DHX57: variants seen among roughly 807,000 people sequenced by gnomAD.
DHX57 encodes putative ATP-dependent RNA helicase DHX57.
Under a neutral mutation model 156.2 loss-of-function variants are expected in DHX57, and 105 were observed. That is an observed-to-expected ratio of 0.67 (90% CI 0.57 to 0.79). The LOEUF (loss-of-function observed/expected upper bound fraction) is 0.79, where lower values mean the gene tolerates loss of function less well. Among genes scored for constraint, DHX57 ranks in the 30% least tolerant of loss-of-function variants. The pLI is 0.00. For missense variants in DHX57, 1,847 were observed against 1,661.9 expected (o/e 1.11, Z -1.94); for synonymous variants, 704 against 595.6 (o/e 1.18, Z -2.65).
chr2:38,873,459 A>G (rs978088377), intron 1 of DHX57, among the ~76,000 whole-genome samples: 1 of 152,238 alleles, frequency 6.6e-6, no homozygotes, highest in Non-Finnish European at 1.5e-5. Flanking sequence ...ATGATTATAC[A>G]TATGTATTCA....
At chr2:38,821,415 GC>G in intron 17 of DHX57, among the ~76,000 whole-genome samples, 1 of 152,280 alleles carries the variant, frequency 6.6e-6, no homozygotes, top group East Asian at 1.9e-4. Flanking sequence ...TAATAAAACT[GC>G]CAGGCATGGT....
chr2:38,823,680 C>T (rs971018622), intron 16 of DHX57, among the ~76,000 whole-genome samples: 1 of 152,108 alleles, frequency 6.6e-6, no homozygotes, highest in Admixed American at 6.6e-5. Context: ...TCCAGCAACC[C>T]CACTTCTAAG....
chr2:38,798,212 G>C lies in DHX57; in HGVS notation c.*87C>G. 6.6e-7 allele frequency: 1 copy of C among 1,526,078 alleles called. No homozygotes were observed. Among genetic ancestry groups the C allele is most frequent in the Non-Finnish European group, 8.8e-7 (1 of 1,137,654 alleles). The allele number at this position is 1,526,078 out of a possible 1,614,324, so 94.5% of individuals were successfully genotyped here. ...TCCTCCACCAGGGCCAGCCCCAATA[G>C]GTCTTTAGTTCGAGGTAGAGGTTCT... On this transcript the variant is annotated 3_prime_UTR_variant, in exon 24 of 24. Transcript: ENST00000457308.
chr2:38,871,802 G>C (rs970888520), intron 1 of DHX57, among the ~76,000 whole-genome samples: 1 of 151,578 alleles, frequency 6.6e-6, no homozygotes, highest in African/African-American at 2.4e-5. Context: ...TGCCTCCCTG[G>C]TTCATGCCAT....
rs202217345 is a variant in DHX57, at chr2:38,858,671, C to T, written c.1577G>A (p.Arg526Gln). 113 of 1,612,858 alleles carry T rather than the reference C, an allele frequency of 7.0e-5. No homozygotes were observed. The highest frequency in any genetic ancestry group is 1.1e-4 in the East Asian group (5 of 44,822). Residue 526 changes from arginine to glutamine, a missense_variant, in exon 6 of 24, where the codon CGA (arginine) becomes CAA (glutamine). By Grantham distance (43) the Arg-to-Gln change is conservative. Transcript: ENST00000457308. ...CTCAGCATACCCTACCTGTTTCATTCGGAACTGCTTGCAGATTTTACCATT... is the reference window on the plus strand; with the variant it reads ...CTCAGCATACCCTACCTGTTTCATTTGGAACTGCTTGCAGATTTTACCATT... ...AENGKICKQF[R>Q]MKQASRQFQS...
chr2:38,864,826 C>T (rs1320035585), intron 2 of DHX57, among the ~76,000 whole-genome samples: 2 of 152,188 alleles, frequency 1.3e-5, no homozygotes, highest in Admixed American at 6.5e-5. Context: ...CTTTCCTCTT[C>T]TCTCTGAAAC....
At chr2:38,864,200 A>G (rs1664923145) in intron 2 of DHX57, among the ~76,000 whole-genome samples, 1 of 150,874 alleles carries the variant, frequency 6.6e-6, no homozygotes, top group Admixed American at 6.6e-5. Flanking sequence ...TGTGAATATT[A>G]AGGCCCCATT....
intron 20 of DHX57, among the ~76,000 whole-genome samples, chr2:38,814,511 A>C (rs954903851): frequency 2.6e-5 from 4 of 152,336 alleles, no homozygotes; most frequent in Non-Finnish European, 5.9e-5. Context: ...CAGAATCTCC[A>C]GAAAGTGCTA....
Position 38,856,456 on chromosome 2 carries a change from G to A in DHX57, c.1593C>T (p.Ser531=), listed in dbSNP as rs1369353677. ...CTTGCAGAATGGACTGGAACTGTCTGGAAGCCTAATAAAATCAAAGATAAG... is the reference window on the plus strand; with the variant it reads ...CTTGCAGAATGGACTGGAACTGTCTAGAAGCCTAATAAAATCAAAGATAAG... ...ICKQFRMKQA[S]RQFQSILQER... Residue 531 remains serine (S), a synonymous_variant, in exon 7 of 24, where the codon TCC becomes TCT. Coordinates refer to ENST00000457308, the MANE Select transcript of DHX57 (RefSeq NM_198963.3). 2 of 1,592,268 alleles carry A rather than the reference G, an allele frequency of 1.3e-6. No individual in the cohort carries two copies. Among genetic ancestry groups the A allele is most frequent in the African/African-American group, 1.4e-5 (1 of 73,290 alleles).
rs1219068308 is a variant in DHX57, at chr2:38,802,705, C to G, written c.4017+10G>C. 1.2e-6 allele frequency: 2 copies of G among 1,613,766 alleles called. No homozygotes were observed. Among genetic ancestry groups the G allele is most frequent in the Non-Finnish European group, 1.7e-6 (2 of 1,179,986 alleles). ...CTGAGCCTCATAAAACAGACCAATT[C>G]TGCCTTTACCTGATGGGAAGCAGCT... is the stretch of plus-strand genomic sequence containing the variant. On this transcript the variant is annotated intron_variant, in intron 23 of 23. Coordinates refer to ENST00000457308, the MANE Select transcript of DHX57 (RefSeq NM_198963.3).
chr2:38,823,319 G>A, intron 16 of DHX57, 50 bp from the exon 17 acceptor site: 1 of 1,516,028 alleles, frequency 6.6e-7, no homozygotes, highest in Non-Finnish European at 9.0e-7. Context: ...CTGGTGGGAT[G>A]ACACAGAGGA....
chr2:38,827,505 AAT>A lies in DHX57; in HGVS notation c.2640-818_2640-817del, dbSNP rs61667849. Among the ~76,000 whole-genome samples, 56 of 10,150 alleles carry A rather than the reference AAT, an allele frequency of 5.5e-3. 1 individual carries two copies. The highest frequency in any genetic ancestry group is 7.6e-3 in the African/African-American group (54 of 7,100). 6.7% of individuals were successfully genotyped at this position (10,150 alleles called of 152,430 possible). A position where few individuals can be genotyped will look rare whatever the true frequency, so the allele number is the denominator to read the frequency against. On this transcript the variant is annotated intron_variant, in intron 14 of 23. Transcript: ENST00000457308. The stretch of plus-strand genomic sequence containing the variant: ...TGTCTCAAAAAAAAAAAAAAAAAAA[AAT>A]ATATATATATATATATATATATATA...
intron 2 of DHX57, among the ~76,000 whole-genome samples, chr2:38,867,610 G>A (rs757560739): frequency 7.2e-5 from 11 of 152,172 alleles, no homozygotes; most frequent in Non-Finnish European, 1.5e-4. Flanking sequence ...CCAGGCTGGA[G>A]TGCAGTGGTG....
intron 12 of DHX57, among the ~76,000 whole-genome samples, chr2:38,842,115 T>TG (rs911509003): frequency 1.3e-5 from 2 of 152,198 alleles, no homozygotes; most frequent in African/African-American, 2.4e-5. Context: ...ACGGGGCCCA[T>TG]GTGCCTTTTG....
At chr2:38,838,839 A>T (rs1222294614) in intron 12 of DHX57, 2 of 453,062 alleles carry the variant, frequency 4.4e-6, no homozygotes, top group Admixed American at 2.4e-5. Flanking sequence ...AGACCCTCAC[A>T]ATCTCCCCAC....
Position 38,861,724 on chromosome 2 carries a change from C to G in DHX57, c.686G>C (p.Arg229Thr). The G allele has an allele frequency of 6.2e-7, 1 of 1,614,144 alleles. No homozygotes were observed. Among genetic ancestry groups the G allele is most frequent in the Admixed American group, 1.7e-5 (1 of 60,018 alleles). ...TQCFSETFGE[R>T]MKISEAVNQI... ...GTTGACTGCCTCAGAGATCTTCATC[C>G]TCTCTCCAAATGTCTCTGAAAAACA... The change falls in exon 5 of 24, where the codon AGG becomes ACG. Residue 229 changes from arginine to threonine, a missense_variant. Physicochemically the swap from Arg to Thr is moderately conservative, Grantham distance 71. Transcript: ENST00000457308.
At chr2:38,812,726 T>C (rs1487243178) in intron 21 of DHX57, among the ~76,000 whole-genome samples, 1 of 149,722 alleles carries the variant, frequency 6.7e-6, no homozygotes, top group African/African-American at 2.5e-5. Context: ...AGAGATGGGG[T>C]TTCTCCATAT....
intron 21 of DHX57, chr2:38,811,622 G>A: frequency 5.1e-6 from 7 of 1,368,430 alleles, no homozygotes; most frequent in Non-Finnish European, 7.2e-6. Context: ...GGCCGGCACT[G>A]TAGGCCAGAA....
At chr2:38,867,441 A>T (rs929124584) in intron 2 of DHX57, among the ~76,000 whole-genome samples, 2 of 152,234 alleles carry the variant, frequency 1.3e-5, no homozygotes, top group African/African-American at 2.4e-5. Flanking sequence ...AGAAACCTAG[A>T]TAAGGCATCT....
Sources: allele counts gnomAD v4.1 joint callset (sites outside exome capture counted in the v4.1 genomes callset), GRCh38; gene constraint gnomAD v4.1.1; transcripts MANE v1.5; gene names NCBI Gene and HGNC (gene_info 2026-07-23, HGNC 2026-07-21).